The following SULF1 variants were observed in gnomAD, a reference collection of about 807,000 sequenced individuals.
SULF1 encodes extracellular sulfatase Sulf-1.
In SULF1, 46 loss-of-function variants were observed where a neutral mutation model predicts 110.5. The observed-to-expected ratio is 0.42, with a 90% confidence interval of 0.33 to 0.53. SULF1 has a LOEUF of 0.53. Ranked by LOEUF, SULF1 falls within the 20% of genes least tolerant of loss-of-function variation. SULF1 has a pLI of 0.12. For synonymous variants in SULF1, 371 were observed against 387.1 expected, an observed-to-expected ratio of 0.96 and a Z score of 0.49; for missense variants, 941 against 1,094.2, an observed-to-expected ratio of 0.86 and a Z score of 1.98.
chr8:69,560,786 T>C (rs938500649), intron 3 of SULF1, among the ~76,000 whole-genome samples: 1 of 152,218 alleles, frequency 6.6e-6, no homozygotes, highest in African/African-American at 2.4e-5. Flanking sequence ...TGACAGGCTT[T>C]AAAAGGTCAT....
chr8:69,547,299 T>TGAAC (rs1436334410), intron 3 of SULF1, among the ~76,000 whole-genome samples: 1 of 152,190 alleles, frequency 6.6e-6, no homozygotes, highest in African/African-American at 2.4e-5. Flanking sequence ...TGATGCCTTG[T>TGAAC]GAACACAGAA....
Position 69,564,199 on chromosome 8 carries a change from C to G in SULF1, c.172+52C>G, listed in dbSNP as rs756160063. 9 of 1,594,992 alleles carry G rather than the reference C, an allele frequency of 5.6e-6. No individual in the cohort carries two copies. In the African/African-American group the frequency reaches 1.1e-4, roughly 19 times the overall value. ...AGTCTCTTTTGTTCAGATGATTTCT[C>G]GAGTCTCAGGATTATCAGGAGACAT... On this transcript the variant is annotated intron_variant, in intron 5 of 22. Coordinates refer to ENST00000402687, the MANE Select transcript of SULF1 (RefSeq NM_001128205.2).
chr8:69,521,048 G>A (rs899504502), intron 3 of SULF1, among the ~76,000 whole-genome samples: 2 of 152,052 alleles, frequency 1.3e-5, no homozygotes, highest in Non-Finnish European at 2.9e-5. Context: ...ATTCTAATTT[G>A]AAAACTAGAC....
chr8:69,645,140 T>A (rs186408206), intron 22 of SULF1, among the ~76,000 whole-genome samples: 154 of 152,214 alleles, frequency 1.0e-3, no homozygotes, highest in Non-Finnish European at 1.4e-3. Context: ...GAGCGGCCAG[T>A]AGGCACCAAA....
At position 69,564,056 on chromosome 8, in the gene SULF1, C is replaced by A; in HGVS notation, c.81C>A (p.Ser27=). Residue 27 remains serine, a synonymous_variant, in exon 5 of 23, where the codon TCC becomes TCA. Transcript: ENST00000402687. The part of the protein sequence containing the change: ...LLGSLCSTVR[S]PRFRGRIQQE... ...GAAGCCTCTGTTCGACTGTCAGATCCCCGAGGTTCAGAGGACGGATACAGC... is the reference window on the plus strand; with the variant it reads ...GAAGCCTCTGTTCGACTGTCAGATCACCGAGGTTCAGAGGACGGATACAGC... 1 of 1,614,148 alleles carries A rather than the reference C, an allele frequency of 6.2e-7. No homozygotes were observed. Among genetic ancestry groups the A allele is most frequent in the South Asian group, 1.1e-5 (1 of 91,078 alleles).
chr8:69,588,113 C>T (rs1025395463), intron 7 of SULF1, among the ~76,000 whole-genome samples: 41 of 152,194 alleles, frequency 2.7e-4, no homozygotes, highest in African/African-American at 9.7e-4. Context: ...TATACTGGAG[C>T]TCCAAGCCAA....
chr8:69,556,682 C>CCTTATATTT (rs1815138045), intron 3 of SULF1, among the ~76,000 whole-genome samples: 1 of 152,176 alleles, frequency 6.6e-6, no homozygotes, highest in Non-Finnish European at 1.5e-5. Context: ...TAAGACCTAG[C>CCTTATATTT]TAAGATGCCC....
chr8:69,577,660 T>A (rs1805718059), intron 6 of SULF1, among the ~76,000 whole-genome samples: 1 of 152,152 alleles, frequency 6.6e-6, no homozygotes, highest in Admixed American at 6.5e-5. Context: ...GTTTGCTAAT[T>A]TGTTTCAGGG....
chr8:69,471,071 G>A (rs374997161), intron 1 of SULF1, among the ~76,000 whole-genome samples: 25 of 152,192 alleles, frequency 1.6e-4, no homozygotes, highest in African/African-American at 4.3e-4. Flanking sequence ...AAGTTCCACC[G>A]CCTTTGAGAA....
chr8:69,489,555 A>AT (rs1410827249), upstream of SULF1, among the ~76,000 whole-genome samples: 1 of 124,398 alleles, frequency 8.0e-6, no homozygotes, highest in African/African-American at 3.0e-5. Context: ...TCTGCCCTCC[A>AT]TTTTTCTTTC....
chr8:69,475,412 A>G (rs1460612410), intron 1 of SULF1, among the ~76,000 whole-genome samples: 14 of 130,512 alleles, frequency 1.1e-4, no homozygotes, highest in Admixed American at 1.0e-3. Flanking sequence ...AGTTCAAATA[A>G]ATTAAAAAAA....
chr8:69,621,005 G>A (rs193148634), intron 13 of SULF1, 30 bp from the exon 14 acceptor site: 25 of 1,564,964 alleles, frequency 1.6e-5, no homozygotes, highest in Middle Eastern at 1.7e-4. Context: ...GAGCAGAATC[G>A]GTAAACTGCT....
intron 6 of SULF1, among the ~76,000 whole-genome samples, chr8:69,584,072 G>A (rs763840581): frequency 2.6e-5 from 4 of 152,188 alleles, no homozygotes; most frequent in Non-Finnish European, 4.4e-5. Context: ...GCCTCTGAGG[G>A]CAAGCTAGCA....
At chr8:69,594,055 A>AT (rs372606566) in intron 8 of SULF1, among the ~76,000 whole-genome samples, 5,553 of 145,262 alleles carry the variant, frequency 0.038, 119 homozygotes, top group African/African-American at 0.069. Context: ...TGTTATTCCA[A>AT]TTTTTTTTTT....
chr8:69,640,109 GAGGAAGGAAGAA>G lies in SULF1; in HGVS notation c.2552-686_2552-675del, dbSNP rs750529770. Among the ~76,000 whole-genome samples, 41 of 140,686 alleles carry G rather than the reference GAGGAAGGAAGAA, an allele frequency of 2.9e-4. No individual in the cohort carries two copies. In the East Asian group the frequency reaches 5.0e-3, roughly 17 times the overall value. 92.3% of individuals were successfully genotyped at this position (140,686 alleles called of 152,430 possible). On this transcript the variant is annotated intron_variant, in intron 21 of 22. Transcript: ENST00000402687. The stretch of plus-strand genomic sequence containing the variant: ...AGAGGGAGGGAGGGAGAGAGAGAGA[GAGGAAGGAAGAA>G]AGGAAGGAAGAAGGAAGGAAGGAAG...
rs145127325 is a variant in SULF1 at position 69,564,073 on chromosome 8, G to C, written c.98G>C (p.Arg33Pro). ...STVRSPRFRG[R>P]IQQERKNIRP... is the part of the protein sequence containing the mutation. ...GTCAGATCCCCGAGGTTCAGAGGACGGATACAGCAGGAACGAAAAAACATC... is the reference window on the plus strand; with the variant it reads ...GTCAGATCCCCGAGGTTCAGAGGACCGATACAGCAGGAACGAAAAAACATC... Residue 33 changes from arginine to proline, a missense_variant, in exon 5 of 23, where the codon CGG becomes CCG. Arg to Pro is a moderately radical substitution (Grantham distance 103). This residue lies in a region of SULF1 where 822 missense variants were observed against 934.3 expected (regional missense o/e 0.88). Transcript: ENST00000402687. The C allele has an allele frequency of 5.6e-6, 9 of 1,614,148 alleles. No individual in the cohort carries two copies. The highest frequency in any genetic ancestry group is 7.6e-6 in the Non-Finnish European group (9 of 1,180,030).
rs776306102 is a variant in SULF1, at chr8:69,627,761, A to G, written c.1948-11A>G. ...TCTTAATACGTAAGTGCTTGAAAACATGTTTTCCAGATTGAAGCTCTGCAA... is the reference window on the plus strand; with the variant it reads ...TCTTAATACGTAAGTGCTTGAAAACGTGTTTTCCAGATTGAAGCTCTGCAA... On this transcript the variant is annotated splice_polypyrimidine_tract_variant and intron_variant, in intron 16 of 22. Coordinates refer to ENST00000402687, the MANE Select transcript of SULF1 (RefSeq NM_001128205.2). The G allele has an allele frequency of 6.3e-7, 1 of 1,578,812 alleles. No homozygotes were observed. Among genetic ancestry groups the G allele is most frequent in the South Asian group, 1.1e-5 (1 of 87,456 alleles).
chr8:69,554,992 A>C (rs796887366), intron 3 of SULF1, among the ~76,000 whole-genome samples: 1,267 of 88,510 alleles, frequency 0.014, 18 homozygotes, highest in Middle Eastern at 0.056. Flanking sequence ...AAAAAAAAAA[A>C]AAAAAACAAA....
chr8:69,538,209 C>CT (rs71556769), intron 3 of SULF1, among the ~76,000 whole-genome samples: 2 of 145,290 alleles, frequency 1.4e-5, no homozygotes, highest in African/African-American at 5.1e-5. Flanking sequence ...TATATGTATA[C>CT]TTTTTTTTCA....
Sources: gnomAD v4.1 joint callset for allele counts (sites outside exome capture counted in the v4.1 genomes callset) on GRCh38, gnomAD v4.1.1 for gene constraint, gnomAD v4.1.1 regional missense constraint, MANE v1.5 for transcripts, NCBI Gene and HGNC (gene_info 2026-07-23, HGNC 2026-07-21) for gene names.